Variants in CDH18 observed in about 807,000 individuals in gnomAD.
CDH18 encodes the protein cadherin 18.
Under a neutral mutation model 67.9 loss-of-function variants are expected in CDH18, and 31 were observed. The observed-to-expected ratio is 0.46, with a 90% CI of 0.34 to 0.62. The LOEUF is 0.62. CDH18 is among the 20% of genes least tolerant of loss of function. The pLI, the probability that CDH18 is intolerant of heterozygous loss-of-function variation, is 0.01. For missense variants in CDH18, 890 were observed against 975.5 expected (o/e 0.91, Z 1.17); for synonymous variants, 362 against 347.2 (o/e 1.04, Z -0.48).
Position 19,622,391 on chromosome 5 carries a change from T to G in CDH18, c.644-9790A>C, listed in dbSNP as rs75448609. Among the ~76,000 whole-genome samples the G allele has an allele frequency of 9.7e-3, 1,472 of 152,290 alleles. 24 individuals are homozygous for G. The highest frequency in any genetic ancestry group is 0.033 in the African/African-American group (1,391 of 41,580). On this transcript the variant is annotated intron_variant, in intron 5 of 12. Transcript: ENST00000382275. ...GATCTTCTCTCTGTAGAGAACCAAC[T>G]ATCAATGCTACTATCGCTACCATTT...
intron 2 of CDH18, among the ~76,000 whole-genome samples, chr5:20,108,573 C>T (rs10063353): frequency 0.015 from 2,207 of 152,116 alleles, 60 homozygotes; most frequent in African/African-American, 0.051. Flanking sequence ...CACACTCATC[C>T]CTCCACCCAC....
chr5:19,818,692 T>G (rs529602425), intron 3 of CDH18, among the ~76,000 whole-genome samples: 131 of 152,312 alleles, frequency 8.6e-4, no homozygotes, highest in South Asian at 3.1e-3. Context: ...GAAACCTGTA[T>G]AGCATGTTAC....
At chr5:20,011,306 T>A (rs560760039) in intron 2 of CDH18, among the ~76,000 whole-genome samples, 1 of 152,334 alleles carries the variant, frequency 6.6e-6, no homozygotes, top group African/African-American at 2.4e-5. Flanking sequence ...ATTGATTTTA[T>A]ATCCCAATAC....
At chr5:20,478,886 G>A (rs1752610867) in intron 1 of CDH18, among the ~76,000 whole-genome samples, 1 of 152,178 alleles carries the variant, frequency 6.6e-6, no homozygotes, top group Non-Finnish European at 1.5e-5. Flanking sequence ...CACACCCTCA[G>A]CCTCAGATGA....
At chr5:20,314,598 ACTAG>A (rs1737295898) in intron 1 of CDH18, among the ~76,000 whole-genome samples, 1 of 152,066 alleles carries the variant, frequency 6.6e-6, no homozygotes, top group African/African-American at 2.4e-5. Flanking sequence ...ACTAAGAACT[ACTAG>A]CATGGACCCC....
At chr5:20,350,628 A>C (rs962544603) in intron 1 of CDH18, among the ~76,000 whole-genome samples, 4 of 152,124 alleles carry the variant, frequency 2.6e-5, no homozygotes, top group African/African-American at 9.6e-5. Flanking sequence ...TGATGAGTTA[A>C]CACTGCTGTG....
intron 2 of CDH18, among the ~76,000 whole-genome samples, chr5:20,049,663 A>G (rs559845022): frequency 9.2e-5 from 14 of 151,946 alleles, no homozygotes; most frequent in Admixed American, 3.9e-4. Flanking sequence ...CTTCACGGTA[A>G]TATTTTAATA....
chr5:19,701,431 G>C (rs1229611196), intron 5 of CDH18, among the ~76,000 whole-genome samples: 1 of 152,054 alleles, frequency 6.6e-6, no homozygotes, highest in Admixed American at 6.6e-5. Context: ...GAGTGAGGGA[G>C]ATGAGACCCT....
intron 1 of CDH18, among the ~76,000 whole-genome samples, chr5:20,476,254 C>A (rs530955073): frequency 1.6e-4 from 25 of 151,582 alleles, no homozygotes; most frequent in African/African-American, 5.3e-4. Context: ...GACTAATCTA[C>A]AGTTTTGCTG....
intron 2 of CDH18, among the ~76,000 whole-genome samples, chr5:19,899,857 A>C (rs1233009605): frequency 6.6e-6 from 1 of 152,136 alleles, no homozygotes; most frequent in East Asian, 1.9e-4. Flanking sequence ...ATACTGCATG[A>C]TTCCACTTAT....
chr5:20,032,248 T>A (rs1220512136), intron 2 of CDH18, among the ~76,000 whole-genome samples: 2 of 150,498 alleles, frequency 1.3e-5, no homozygotes, highest in African/African-American at 4.9e-5. Flanking sequence ...TATATATATA[T>A]AATATATATA....
chr5:19,710,679 T>C (rs1178021164), intron 5 of CDH18, among the ~76,000 whole-genome samples: 2 of 152,064 alleles, frequency 1.3e-5, no homozygotes, highest in African/African-American at 2.4e-5. Flanking sequence ...ACAAATGTTA[T>C]GTAAAATACA....
intron 10 of CDH18, among the ~76,000 whole-genome samples, chr5:19,514,181 G>A (rs1479479669): frequency 6.6e-6 from 1 of 151,870 alleles, no homozygotes; most frequent in African/African-American, 2.4e-5. Context: ...GGAACTCATC[G>A]TTTTTATGGC....
rs187582150 is a variant in CDH18 at position 20,171,610 on chromosome 5, G to T, written c.-518+83834C>A. On this transcript the variant is annotated intron_variant, in intron 2 of 14. Transcript: ENST00000507958. ...TTGTTTAAGTCTCTTACAGATGCTG[G>T]ATTTAGTCCTTTTTCTGATGCATAG... 1.5e-3 allele frequency among the ~76,000 whole-genome samples: 233 copies of T among 151,968 alleles called. 1 individual carries two copies. The highest frequency in any genetic ancestry group is 2.3e-3 in the Non-Finnish European group (159 of 67,936).
At chr5:20,349,786 A>G (rs1418878344) in intron 1 of CDH18, among the ~76,000 whole-genome samples, 1 of 152,186 alleles carries the variant, frequency 6.6e-6, no homozygotes, top group African/African-American at 2.4e-5. Context: ...AAATCATATT[A>G]CATAACTATT....
At chr5:19,592,410 AATTT>A in intron 6 of CDH18, among the ~76,000 whole-genome samples, 1 of 152,206 alleles carries the variant, frequency 6.6e-6, no homozygotes, top group African/African-American at 2.4e-5. Context: ...TTATTAGAGC[AATTT>A]ATTATAGAAA....
At chr5:19,779,815 G>C (rs1163594847) in intron 3 of CDH18, among the ~76,000 whole-genome samples, 1 of 152,106 alleles carries the variant, frequency 6.6e-6, no homozygotes, top group Non-Finnish European at 1.5e-5. Context: ...GGTACGACTA[G>C]CAGTCTCTCA....
chr5:19,738,533 C>T (rs1440127194), intron 4 of CDH18, among the ~76,000 whole-genome samples: 3 of 152,120 alleles, frequency 2.0e-5, no homozygotes, highest in African/African-American at 7.2e-5. Flanking sequence ...GAAAGTCATT[C>T]TTTGGCTATC....
intron 1 of CDH18, among the ~76,000 whole-genome samples, chr5:20,333,335 C>T (rs1296457175): frequency 1.3e-5 from 2 of 151,628 alleles, no homozygotes; most frequent in Non-Finnish European, 2.9e-5. Flanking sequence ...GGTGAAGCCT[C>T]GTCTCTACTA....
Sources: allele counts gnomAD v4.1 joint callset (sites outside exome capture counted in the v4.1 genomes callset), GRCh38; gene constraint gnomAD v4.1.1; transcripts MANE v1.5; gene names NCBI Gene and HGNC (gene_info 2026-07-23, HGNC 2026-07-21).